The following SLC25A37 variants were observed in gnomAD, a reference collection of about 807,000 sequenced individuals.
SLC25A37 encodes mitoferrin-1.
In SLC25A37, 17 loss-of-function variants were observed where a neutral mutation model predicts 31.0. The ratio of observed to expected loss-of-function variants is 0.55; its 90% CI spans 0.38 to 0.82. SLC25A37 has a LOEUF of 0.82. SLC25A37 is among the 40% of genes least tolerant of loss of function. The pLI is 0.00. For missense variants in SLC25A37, 404 were observed against 465.8 expected (o/e 0.87, Z 1.22); for synonymous variants, 222 against 193.0 (o/e 1.15, Z -1.24).
chr8:23,572,051 G>C lies in SLC25A37; in HGVS notation c.*196G>C. The C allele has an allele frequency of 1.6e-6, 1 of 613,558 alleles. No individual in the cohort carries two copies. The highest frequency in any genetic ancestry group is 2.8e-6 in the Non-Finnish European group (1 of 359,906). 38.0% of individuals were successfully genotyped at this position (613,558 alleles called of 1,614,324 possible). On this transcript the variant is annotated 3_prime_UTR_variant, in exon 4 of 4. Transcript: ENST00000519973. ...GTGTGCGGGGACATCCGAGGTGGTG[G>C]TGGACAGGAAGGACTTGGGAAGGGG...
intron 1 of SLC25A37, among the ~76,000 whole-genome samples, chr8:23,552,799 G>C (rs574027171): frequency 6.6e-6 from 1 of 152,178 alleles, no homozygotes; most frequent in African/African-American, 2.4e-5. Flanking sequence ...GTCTGGCAGT[G>C]GGGGAGCCCG....
In SLC25A37 at chr8:23,529,458, G is replaced by A. The variant is rs1420035920; in HGVS notation, c.210+246G>A. ...CTGCTCCAGCCGCGTGCCCGGCCCC[G>A]GCTGCTGGCGGCGCTGAGGCGGGGG... On this transcript the variant is annotated intron_variant, in intron 1 of 3. Transcript: ENST00000519973. This position sits in a 1 kb window ranked among gnomAD's most constrained non-coding sequence, Gnocchi z 4.1. 6.6e-5 allele frequency among the ~76,000 whole-genome samples: 10 copies of A among 151,950 alleles called. No individual in the cohort carries two copies. The South Asian group carries it at 1.9e-3, about 28-fold the overall frequency.
At position 23,568,343 on chromosome 8, in the gene SLC25A37, C is replaced by T; in HGVS notation, c.461C>T (p.Thr154Ile). Residue 154 changes from threonine (T) to isoleucine (I), a missense_variant, in exon 3 of 4, where the codon ACC (threonine) becomes ATC (isoleucine). By Grantham distance (89) the Thr-to-Ile change is moderately conservative (BLOSUM62 -1). Transcript: ENST00000519973. Reference protein sequence around the residue: ...LANGIAGSMATLLHDAVMNPA... With the variant: ...LANGIAGSMAILLHDAVMNPA... The stretch of plus-strand genomic sequence containing the variant: ...GCAGGGATAGCTGGGAGTATGGCCA[C>T]CCTGCTCCACGATGCGGTAATGAAT... 1 of 1,613,846 alleles carries T rather than the reference C, an allele frequency of 6.2e-7. No homozygotes were observed. Among genetic ancestry groups the T allele is most frequent in the Admixed American group, 1.7e-5 (1 of 60,010 alleles).
In SLC25A37 at chr8:23,566,217, T is replaced by C; in HGVS notation, c.320T>C (p.Val107Ala). Residue 107 changes from valine (V) to alanine (A), a missense_variant, in exon 2 of 4, where the codon GTC becomes GCC. This residue lies in a region of SLC25A37 where 154 missense variants were observed against 153.6 expected (regional missense o/e 1.00). Transcript: ENST00000519973. ...GGCTTCTGGAGGCCCTTGCGAGGCG[T>C]CAACGTCATGATCATGGGTGCAGGG... ...TEGFWRPLRG[V>A]NVMIMGAGPA... The C allele has an allele frequency of 6.2e-7, 1 of 1,603,522 alleles. No homozygotes were observed. The highest frequency in any genetic ancestry group is 1.3e-5 in the African/African-American group (1 of 74,420).
intron 1 of SLC25A37, among the ~76,000 whole-genome samples, chr8:23,545,172 A>T (rs1339452643): frequency 6.6e-6 from 1 of 152,240 alleles, no homozygotes; most frequent in Non-Finnish European, 1.5e-5. Context: ...AGGATGGTGT[A>T]GGCGACAACT....
chr8:23,535,898 C>T (rs1179912386), intron 1 of SLC25A37, among the ~76,000 whole-genome samples: 1 of 152,150 alleles, frequency 6.6e-6, no homozygotes, highest in African/African-American at 2.4e-5. Context: ...AATTACCTCC[C>T]ACTGGGTCCC....
chr8:23,536,007 G>A (rs1033124347), intron 1 of SLC25A37, among the ~76,000 whole-genome samples: 2 of 152,154 alleles, frequency 1.3e-5, no homozygotes, highest in African/African-American at 4.8e-5. Flanking sequence ...ATTTTATAGG[G>A]TTGTTGTAAG....
At chr8:23,558,931 C>T (rs934701808) in intron 1 of SLC25A37, among the ~76,000 whole-genome samples, 11 of 152,226 alleles carry the variant, frequency 7.2e-5, no homozygotes, top group South Asian at 4.1e-4. Flanking sequence ...CACCTGCCTC[C>T]GGCCTGCTCC....
chr8:23,561,432 A>C (rs765959757), intron 1 of SLC25A37, among the ~76,000 whole-genome samples: 1 of 152,174 alleles, frequency 6.6e-6, no homozygotes, highest in East Asian at 1.9e-4. Flanking sequence ...GGCTTCACGT[A>C]TATCATGGGG....
intron 1 of SLC25A37, among the ~76,000 whole-genome samples, chr8:23,549,146 A>T (rs1476342123): frequency 2.0e-5 from 3 of 152,200 alleles, no homozygotes; most frequent in Admixed American, 2.0e-4. Context: ...GGCAAAGACG[A>T]CACCTGCTCC....
At chr8:23,561,086 C>G (rs1802502619) in intron 1 of SLC25A37, among the ~76,000 whole-genome samples, 1 of 152,108 alleles carries the variant, frequency 6.6e-6, no homozygotes, top group South Asian at 2.1e-4. Flanking sequence ...ATAAAGTAAG[C>G]TTATGAAATT....
At chr8:23,552,806 C>T (rs776832601) in intron 1 of SLC25A37, among the ~76,000 whole-genome samples, 2 of 152,110 alleles carry the variant, frequency 1.3e-5, no homozygotes, top group Non-Finnish European at 2.9e-5. Flanking sequence ...AGTGGGGGAG[C>T]CCGGGCAAGT....
In SLC25A37 at chr8:23,571,727, G is replaced by C. The variant is rs781356111; in HGVS notation, c.889G>C (p.Gly297Arg). The C allele has an allele frequency of 6.2e-7, 1 of 1,614,010 alleles. No homozygotes were observed. Among genetic ancestry groups the C allele is most frequent in the Non-Finnish European group, 8.5e-7 (1 of 1,179,896 alleles). ...RTVYQLNGLA[G>R]YFKGIQARVI... ...GGTGTACCAGCTCAACGGCCTGGCC[G>C]GCTACTTCAAAGGCATCCAGGCGCG... Residue 297 changes from glycine to arginine, a missense_variant, in exon 4 of 4, where the codon GGC becomes CGC. Physicochemically the swap from Gly to Arg is moderately radical, Grantham distance 125. Coordinates refer to ENST00000519973, the MANE Select transcript of SLC25A37 (RefSeq NM_016612.4).
rs1585200539 is a variant in SLC25A37, at chr8:23,564,419, A to C, written c.211-1689A>C. Among the ~76,000 whole-genome samples the C allele has an allele frequency of 3.1e-5, 4 of 127,504 alleles. No individual in the cohort carries two copies. In the South Asian group the frequency reaches 1.2e-3, roughly 37 times the overall value. The allele number at this position is 127,504 out of a possible 152,430, so 83.6% of individuals were successfully genotyped here. A position where few individuals can be genotyped will look rare whatever the true frequency, so the allele number is the denominator to read the frequency against. ...TGATTTTGTTTGGAGATAAAAGGAT[A>C]CCCCTGCCAAAAGTTGAAAAGCTTC... On this transcript the variant is annotated intron_variant, in intron 1 of 3. Coordinates refer to ENST00000519973, the MANE Select transcript of SLC25A37 (RefSeq NM_016612.4).
chr8:23,535,919 CGTG>C (rs1801758502), intron 1 of SLC25A37, among the ~76,000 whole-genome samples: 1 of 152,088 alleles, frequency 6.6e-6, no homozygotes, highest in Non-Finnish European at 1.5e-5. Flanking sequence ...TCCCATAACA[CGTG>C]GGAATTATGG....
chr8:23,534,968 T>A (rs1291908392), intron 1 of SLC25A37, among the ~76,000 whole-genome samples: 1 of 152,186 alleles, frequency 6.6e-6, no homozygotes. Context: ...ATGGCCCCTC[T>A]TCGTCCCCAC....
intron 1 of SLC25A37, among the ~76,000 whole-genome samples, chr8:23,546,060 G>C (rs572465721): frequency 6.6e-6 from 1 of 151,938 alleles, no homozygotes; most frequent in Admixed American, 6.6e-5. Flanking sequence ...ACTTGAACCC[G>C]GGAGGCAGAG....
In SLC25A37 at chr8:23,529,304, G is replaced by A. The variant is rs979071850; in HGVS notation, c.210+92G>A. On this transcript the variant is annotated intron_variant, in intron 1 of 3. Transcript: ENST00000519973. The surrounding 1 kb of genome is among the most constrained non-coding windows in gnomAD (Gnocchi z 4.1). Reference sequence around the variant, plus strand: ...CGCGCGCCGGCAGCCTCGGGGCAGCGTCCCGAAACCGAGCTCTCCCCAGGA... The same window carrying A: ...CGCGCGCCGGCAGCCTCGGGGCAGCATCCCGAAACCGAGCTCTCCCCAGGA... The A allele has an allele frequency of 3.1e-6, 4 of 1,308,994 alleles. No individual in the cohort carries two copies. The highest frequency in any genetic ancestry group is 3.1e-5 in the African/African-American group (2 of 65,326). The allele number at this position is 1,308,994 out of a possible 1,614,324, so 81.1% of individuals were successfully genotyped here.
At chr8:23,538,380 C>CAA (rs1286476649) in intron 1 of SLC25A37, among the ~76,000 whole-genome samples, 186 of 10,702 alleles carry the variant, frequency 0.017, 25 homozygotes, top group Admixed American at 0.028. Context: ...GACTTCATCT[C>CAA]AAAAAAAAAA....
Sources: allele counts gnomAD v4.1 joint callset (sites outside exome capture counted in the v4.1 genomes callset), GRCh38; gene constraint gnomAD v4.1.1; regional missense constraint gnomAD v4.1.1; non-coding constraint Gnocchi (gnomAD v3.1); transcripts MANE v1.5; gene names NCBI Gene and HGNC (gene_info 2026-07-23, HGNC 2026-07-21).